The following SHANK1 variants were observed in gnomAD, a reference collection of about 807,000 sequenced individuals.
SHANK1 encodes SH3 and multiple ankyrin repeat domains 1.
In SHANK1, 35 loss-of-function variants were observed where a neutral mutation model predicts 165.6. The ratio of observed to expected loss-of-function variants is 0.21; its 90% CI spans 0.16 to 0.28. SHANK1 has a LOEUF of 0.28. SHANK1 is among the 10% of genes least tolerant of loss of function. The pLI is 1.00. For missense variants in SHANK1, 2,681 were observed against 3,036.4 expected, an observed-to-expected ratio of 0.88 and a Z score of 2.75; for synonymous variants, 1,428 against 1,384.8, an observed-to-expected ratio of 1.03 and a Z score of -0.69.
At chr19:50,708,409 G>T (rs117942370) in intron 8 of SHANK1, among the ~76,000 whole-genome samples, 4,098 of 151,962 alleles carry the variant, frequency 0.027, 75 homozygotes, top group Admixed American at 0.039. Context: ...CGCATTTAAC[G>T]GCATCCTAGC....
In SHANK1 at chr19:50,712,039, C is replaced by T. The variant is rs771083772; in HGVS notation, c.868G>A (p.Val290Met). ...TCGCAGCATCGGGGGTCACCACCCA[C>T]CATGGCCGTGTGGAACAGAGGGGTC... ...GLTPLFHTAM[V>M]GGDPRCCELL... The change falls in exon 7 of 24, where the codon GTG becomes ATG. Residue 290 changes from valine to methionine, a missense_variant. Transcript: ENST00000293441. 2.5e-6 allele frequency: 4 copies of T among 1,613,942 alleles called. No individual in the cohort carries two copies. Among genetic ancestry groups the T allele is most frequent in the South Asian group, 1.1e-5 (1 of 91,088 alleles).
At position 50,667,489 on chromosome 19, in the gene SHANK1, G is replaced by A; in HGVS notation, c.4471C>T (p.His1491Tyr). 6.5e-7 allele frequency: 1 copy of A among 1,529,534 alleles called. No homozygotes were observed. The highest frequency in any genetic ancestry group is 8.7e-7 in the Non-Finnish European group (1 of 1,149,430). 94.7% of individuals were successfully genotyped at this position (1,529,534 alleles called of 1,614,324 possible). A position where few individuals can be genotyped will look rare whatever the true frequency, so the allele number is the denominator to read the frequency against. The change falls in exon 23 of 24, where the codon CAC becomes TAC. Residue 1491 changes from histidine to tyrosine, a missense_variant. Transcript: ENST00000293441. The surrounding 1 kb of genome is among the most constrained non-coding windows in gnomAD (Gnocchi z 5.7). ...APEEPERLPL[H>Y]VRFLENCQPR... ...TGGCAGTTTTCAAGGAACCGCACGT[G>A]CAGCGGCAGCCGCTCGGGTTCTTCG... is the stretch of plus-strand genomic sequence containing the variant.
Position 50,718,342 on chromosome 19 carries a change from A to C in SHANK1, c.-44+1064T>G, listed in dbSNP as rs1370930177. On this transcript the variant is annotated intron_variant, in intron 1 of 23. Transcript: ENST00000293441. This position sits in a 1 kb window ranked among gnomAD's most constrained non-coding sequence, Gnocchi z 5.1. The stretch of plus-strand genomic sequence containing the variant: ...TCCTCCCTGCCCCGCCGCACAGCCC[A>C]CCTCGCGATCTGGGGCCCGCAGACA... Among the ~76,000 whole-genome samples, 1 of 149,028 alleles carries C rather than the reference A, an allele frequency of 6.7e-6. No homozygotes were observed. Among genetic ancestry groups the C allele is most frequent in the Non-Finnish European group, 1.5e-5 (1 of 67,334 alleles).
chr19:50,678,510 G>A (rs906981306), intron 21 of SHANK1, among the ~76,000 whole-genome samples: 2 of 151,066 alleles, frequency 1.3e-5, no homozygotes, highest in Non-Finnish European at 3.0e-5. Flanking sequence ...TGGAGGGGTT[G>A]ATGTGACAGT....
rs748379914 is a variant in SHANK1 at position 50,697,066 on chromosome 19, C to A, written c.1964+30G>T. On this transcript the variant is annotated intron_variant, in intron 15 of 23. Coordinates refer to ENST00000293441, the MANE Select transcript of SHANK1 (RefSeq NM_016148.5). This position sits in a 1 kb window ranked among gnomAD's most constrained non-coding sequence, Gnocchi z 4.7. Reference sequence around the variant, plus strand: ...GGCACCCCGTCCTTCCCCTCCTGACCCCATCCCCTCCCTGCCCCTCGCCTC... The same window carrying A: ...GGCACCCCGTCCTTCCCCTCCTGACACCATCCCCTCCCTGCCCCTCGCCTC... 40 of 1,597,266 alleles carry A rather than the reference C, an allele frequency of 2.5e-5. No individual in the cohort carries two copies. The highest frequency in any genetic ancestry group is 3.4e-5 in the Non-Finnish European group (40 of 1,164,884).
chr19:50,673,437 C>A (rs545737976), intron 21 of SHANK1, among the ~76,000 whole-genome samples: 1 of 152,128 alleles, frequency 6.6e-6, no homozygotes, highest in Non-Finnish European at 1.5e-5. Flanking sequence ...AGAACACCTG[C>A]GAGCCCTGGT....
At chr19:50,678,159 T>G (rs7259048) in intron 21 of SHANK1, among the ~76,000 whole-genome samples, 88,872 of 151,988 alleles carry the variant, frequency 0.58, 27,056 homozygotes, top group African/African-American at 0.75. Context: ...AGAGAAAAGG[T>G]CCTTATCCTA....
At position 50,666,178 on chromosome 19, in the gene SHANK1, C is replaced by A; in HGVS notation, c.5768+14G>T. 1 of 1,562,572 alleles carries A rather than the reference C, an allele frequency of 6.4e-7. No individual in the cohort carries two copies. The highest frequency in any genetic ancestry group is 8.7e-7 in the Non-Finnish European group (1 of 1,153,884). ...ACCTCTGGCCTCCCTTGTTGGCCAC[C>A]AGCCCCCGCTTACCTCTGCCGCTGC... On this transcript the variant is annotated intron_variant, in intron 23 of 23. Coordinates refer to ENST00000293441, the MANE Select transcript of SHANK1 (RefSeq NM_016148.5).
chr19:50,716,618 T>C lies in SHANK1; in HGVS notation c.255+47A>G, dbSNP rs372435297. 1.8e-5 allele frequency: 28 copies of C among 1,552,994 alleles called. No individual in the cohort carries two copies. The African/African-American group carries it at 3.4e-4, about 19-fold the overall frequency. On this transcript the variant is annotated intron_variant, in intron 2 of 23. Coordinates refer to ENST00000293441, the MANE Select transcript of SHANK1 (RefSeq NM_016148.5). The surrounding 1 kb of genome is among the most constrained non-coding windows in gnomAD (Gnocchi z 8.4). Reference sequence around the variant, plus strand: ...GCACCAGTGGACTCCCCATGTCGGTTGGGGCACTGTCCCTCTCCTGCCGCT... The same window carrying C: ...GCACCAGTGGACTCCCCATGTCGGTCGGGGCACTGTCCCTCTCCTGCCGCT...
At position 50,685,274 on chromosome 19, in the gene SHANK1, G is replaced by T. The variant is rs116474967; in HGVS notation, c.2577+963C>A. The stretch of plus-strand genomic sequence containing the variant: ...GAAGGGAGCAGCAGGCCCCTACCAG[G>T]ATAGCCAGGGCTGTGGCAGGACCAT... On this transcript the variant is annotated intron_variant, in intron 21 of 23. Coordinates refer to ENST00000293441, the MANE Select transcript of SHANK1 (RefSeq NM_016148.5). Among the ~76,000 whole-genome samples, 1,334 of 152,310 alleles carry T rather than the reference G, an allele frequency of 8.8e-3. 19 individuals carry two copies. Among genetic ancestry groups the T allele is most frequent in the African/African-American group, 0.03 (1,230 of 41,566 alleles).
chr19:50,694,318 G>A lies in SHANK1; in HGVS notation c.1964+2778C>T, dbSNP rs187364340. Among the ~76,000 whole-genome samples the A allele has an allele frequency of 1.5e-3, 230 of 151,572 alleles. 1 individual carries two copies. Among genetic ancestry groups the A allele is most frequent in the Non-Finnish European group, 1.9e-3 (131 of 67,884 alleles). On this transcript the variant is annotated intron_variant, in intron 15 of 23. Transcript: ENST00000293441. The stretch of plus-strand genomic sequence containing the variant: ...AAGAGGAGGGGAGGGGAAGCCGGGG[G>A]CGGGATGCGTGTGTGATGGAGGGGG...
Position 50,711,416 on chromosome 19 carries a change from G to A in SHANK1, c.1032C>T (p.Asn344=), listed in dbSNP as rs112706832. The change falls in exon 8 of 24, where the codon AAC becomes AAT. Residue 344 remains asparagine, a synonymous_variant. Transcript: ENST00000293441. ...TGTGCAGAGCCGTGTTCCCCGAGGC[G>A]TTCTGGGCTCCAGGCTCAGCCCCGT... is the stretch of plus-strand genomic sequence containing the variant. ...LFYGAEPGAQ[N]ASGNTALHIC... is the part of the protein sequence containing the mutation. 23 of 1,561,270 alleles carry A rather than the reference G, an allele frequency of 1.5e-5. No homozygotes were observed. In the Admixed American group the frequency reaches 1.7e-4, roughly 12 times the overall value.
rs796919361 is a variant in SHANK1, at chr19:50,660,722, T to TGGGGG, written c.*1238_*1242dup. Among the ~76,000 whole-genome samples, 3 of 54,668 alleles carry TGGGGG rather than the reference T, an allele frequency of 5.5e-5. No homozygotes were observed. Among genetic ancestry groups the TGGGGG allele is most frequent in the Non-Finnish European group, 6.9e-5 (2 of 29,148 alleles). 35.9% of individuals were successfully genotyped at this position (54,668 alleles called of 152,430 possible). Reference sequence around the variant, plus strand: ...GGCTTCCGGAGAGCACTGAAAATGCTGGGGGGGGGGGCGCGTGTGCAAAAG... The same window carrying TGGGGG: ...GGCTTCCGGAGAGCACTGAAAATGCTGGGGGGGGGGGGGGGGCGCGTGTGCAAAAG... On this transcript the variant is annotated 3_prime_UTR_variant, in exon 24 of 24. Coordinates refer to ENST00000293441, the MANE Select transcript of SHANK1 (RefSeq NM_016148.5).
chr19:50,715,847 G>C, intron 3 of SHANK1, 117 bp from the exon 4 acceptor site: 1 of 1,019,830 alleles, frequency 9.8e-7, no homozygotes, highest in Non-Finnish European at 1.5e-6. Context: ...GGTAGCTCAG[G>C]GTGGGAGTGA....
Position 50,668,846 on chromosome 19 carries a change from G to A in SHANK1, c.3114C>T (p.Arg1038=). Residue 1038 remains arginine, a synonymous_variant, in exon 23 of 24, where the codon CGC becomes CGT. Transcript: ENST00000293441. ...TGGSPDDPPP[R]LALGPQPSLR... ...GGCTGGGCTGGGGCCCCAGAGCCAG[G>A]CGGGGTGGAGGGTCGTCGGGAGAGC... 7.8e-7 allele frequency: 1 copy of A among 1,284,216 alleles called. No individual in the cohort carries two copies. The highest frequency in any genetic ancestry group is 9.8e-7 in the Non-Finnish European group (1 of 1,021,392). 79.6% of individuals were successfully genotyped at this position (1,284,216 alleles called of 1,614,324 possible). A position where few individuals can be genotyped will look rare whatever the true frequency, so the allele number is the denominator to read the frequency against.
Position 50,702,997 on chromosome 19 carries a change from TCCAACTC to T in SHANK1, c.1554-344_1554-338del, listed in dbSNP as rs1034516395. On this transcript the variant is annotated intron_variant, in intron 11 of 23. Transcript: ENST00000293441. The surrounding 1 kb of genome is among the most constrained non-coding windows in gnomAD (Gnocchi z 5.3). ...ACTCCCAGCTTCCTCCTGGGTCAGGTCCAACTCCTCTGCCCGCCGTTGCCAGCCTCTC... is the reference window on the plus strand; with the variant it reads ...ACTCCCAGCTTCCTCCTGGGTCAGGTCTCTGCCCGCCGTTGCCAGCCTCTC... 2.6e-5 allele frequency among the ~76,000 whole-genome samples: 4 copies of T among 151,992 alleles called. No homozygotes were observed. Among genetic ancestry groups the T allele is most frequent in the African/African-American group, 9.7e-5 (4 of 41,382 alleles).
In SHANK1 at chr19:50,702,417, A is replaced by G; in HGVS notation, c.1747+50T>C. On this transcript the variant is annotated intron_variant, in intron 12 of 23. Coordinates refer to ENST00000293441, the MANE Select transcript of SHANK1 (RefSeq NM_016148.5). The surrounding 1 kb of genome is among the most constrained non-coding windows in gnomAD (Gnocchi z 5.3). ...TGCTCTCTGCTCCACATTTTCCCTG[A>G]TCGCCCCCACAGCCCAGCCCAGCCC... 6.6e-7 allele frequency: 1 copy of G among 1,516,346 alleles called. No individual in the cohort carries two copies. The highest frequency in any genetic ancestry group is 8.9e-7 in the Non-Finnish European group (1 of 1,120,434). 93.9% of individuals were successfully genotyped at this position (1,516,346 alleles called of 1,614,324 possible).
In SHANK1 at chr19:50,661,140, G is replaced by A. The variant is rs1426204610; in HGVS notation, c.*825C>T. ...ACTCCAGAGAATGAATGATGTGCAT[G>A]GAGTCTGTGAGGGGGAGGGAAAATG... On this transcript the variant is annotated 3_prime_UTR_variant, in exon 24 of 24. Coordinates refer to ENST00000293441, the MANE Select transcript of SHANK1 (RefSeq NM_016148.5). 6.6e-6 allele frequency among the ~76,000 whole-genome samples: 1 copy of A among 152,128 alleles called. No individual in the cohort carries two copies. Among genetic ancestry groups the A allele is most frequent in the Non-Finnish European group, 1.5e-5 (1 of 68,030 alleles).
intron 4 of SHANK1, 89 bp downstream of exon 4, chr19:50,715,570 T>C (rs1053567416): frequency 2.6e-5 from 30 of 1,155,764 alleles, no homozygotes; most frequent in Non-Finnish European, 3.8e-5. Context: ...TGGAGGTCTA[T>C]TGGGAAGAGG....
Sources: allele counts gnomAD v4.1 joint callset (sites outside exome capture counted in the v4.1 genomes callset), GRCh38; gene constraint gnomAD v4.1.1; non-coding constraint Gnocchi (gnomAD v3.1); transcripts MANE v1.5; gene names NCBI Gene and HGNC (gene_info 2026-07-23, HGNC 2026-07-21).